The following TENM3 variants were observed in gnomAD, a reference collection of about 807,000 sequenced individuals.
The protein encoded by TENM3 is teneurin-3.
A neutral mutation model predicts 255.1 loss-of-function variants in TENM3; 63 were observed. That is an observed-to-expected ratio of 0.25 (90% CI 0.20 to 0.30). TENM3 has a LOEUF of 0.30. Among genes scored for constraint, TENM3 ranks in the 10% least tolerant of loss-of-function variants. The probability of loss-of-function intolerance (pLI) is 1.00; values close to 1 mark genes in which losing one functional copy is unlikely to be tolerated. For missense variants in TENM3, 2,929 were observed against 3,461.1 expected (o/e 0.85, Z 3.86); for synonymous variants, 1,306 against 1,322.3 (o/e 0.99, Z 0.27).
At chr4:181,785,364 A>G in the TENM3 span, among the ~76,000 whole-genome samples, 34 of 152,156 alleles carry the variant, frequency 2.2e-4, no homozygotes, top group Non-Finnish European at 4.7e-4. Flanking sequence ...CCAGAAAGCC[A>G]CAGCTACTTT....
chr4:181,801,802 T>A, the TENM3 span, among the ~76,000 whole-genome samples: 2 of 151,622 alleles, frequency 1.3e-5, no homozygotes, highest in Non-Finnish European at 2.9e-5. Context: ...AGGTTTGTCA[T>A]TTTCACTTCC....
chr4:182,487,508 A>G (rs1734873793), intron 3 of TENM3, among the ~76,000 whole-genome samples: 1 of 152,048 alleles, frequency 6.6e-6, no homozygotes, highest in African/African-American at 2.4e-5. Context: ...TGGTTTCATT[A>G]TTTGGAACCT....
At chr4:182,405,217 G>A (rs904538168) in intron 3 of TENM3, among the ~76,000 whole-genome samples, 1 of 152,140 alleles carries the variant, frequency 6.6e-6, no homozygotes, top group Non-Finnish European at 1.5e-5. Context: ...GCTCCCAGCC[G>A]CCGTCCTGGA....
chr4:182,058,164 TG>T, the TENM3 span, among the ~76,000 whole-genome samples: 56 of 109,618 alleles, frequency 5.1e-4, no homozygotes, highest in African/African-American at 1.4e-3. Flanking sequence ...ATATTTGGGG[TG>T]GGGGGGGGCA....
At chr4:181,715,702 T>C in the TENM3 span, among the ~76,000 whole-genome samples, 1 of 152,210 alleles carries the variant, frequency 6.6e-6, no homozygotes, top group Non-Finnish European at 1.5e-5. Context: ...TTCCACTAAA[T>C]GTCAGGACCT....
At chr4:182,750,074 A>G (rs1362197723) in intron 19 of TENM3, among the ~76,000 whole-genome samples, 1 of 152,242 alleles carries the variant, frequency 6.6e-6, no homozygotes, top group Admixed American at 6.5e-5. Flanking sequence ...ACATTAAGGG[A>G]TGCAATATGT....
At chr4:182,519,504 G>A (rs1282035630) in intron 3 of TENM3, among the ~76,000 whole-genome samples, 1 of 152,082 alleles carries the variant, frequency 6.6e-6, no homozygotes, top group Admixed American at 6.6e-5. Flanking sequence ...CAGTATCTCA[G>A]GAAACATTTG....
the TENM3 span, among the ~76,000 whole-genome samples, chr4:181,839,384 T>TATATATATATATACAC: frequency 1.8e-4 from 15 of 83,496 alleles, 1 homozygote; most frequent in South Asian, 4.0e-4. Flanking sequence ...TATATATATA[T>TATATATATATATACAC]ACACCTATAT....
chr4:182,001,101 A>G, the TENM3 span, among the ~76,000 whole-genome samples: 1 of 150,682 alleles, frequency 6.6e-6, no homozygotes, highest in Non-Finnish European at 1.5e-5. Context: ...ACCACCCACC[A>G]AGGTATTTGT....
At chr4:181,779,101 C>T in the TENM3 span, among the ~76,000 whole-genome samples, 1 of 151,882 alleles carries the variant, frequency 6.6e-6, no homozygotes, top group Non-Finnish European at 1.5e-5. Context: ...TGTTTATGTA[C>T]CTGGTGATGG....
chr4:182,632,668 C>T (rs13110650), intron 5 of TENM3, among the ~76,000 whole-genome samples: 75,824 of 151,720 alleles, frequency 0.5, 19,662 homozygotes, highest in Non-Finnish European at 0.56. Context: ...TTATGTACTT[C>T]TCCAATTTAT....
intron 5 of TENM3, among the ~76,000 whole-genome samples, chr4:182,651,569 C>T (rs1263653000): frequency 3.3e-5 from 5 of 151,956 alleles, no homozygotes; most frequent in Admixed American, 6.6e-5. Flanking sequence ...TGGCGGCGTG[C>T]GCCTGTAGTC....
At chr4:182,475,472 T>C (rs768896212) in intron 3 of TENM3, among the ~76,000 whole-genome samples, 1 of 152,144 alleles carries the variant, frequency 6.6e-6, no homozygotes, top group Non-Finnish European at 1.5e-5. Flanking sequence ...TTGATGGAAG[T>C]TGTAGTGAAC....
chr4:181,737,602 C>A, the TENM3 span, among the ~76,000 whole-genome samples: 22,369 of 152,002 alleles, frequency 0.15, 1,971 homozygotes, highest in African/African-American at 0.25. Context: ...TTAAAAATAA[C>A]TGCATTCAGT....
the TENM3 span, among the ~76,000 whole-genome samples, chr4:181,950,555 G>C: frequency 0.043 from 6,520 of 152,182 alleles, 269 homozygotes; most frequent in East Asian, 0.21. Flanking sequence ...CTCCATGAAG[G>C]CACTTGGTCT....
chr4:181,588,691 A>G, the TENM3 span, among the ~76,000 whole-genome samples: 2 of 152,318 alleles, frequency 1.3e-5, no homozygotes, highest in African/African-American at 2.4e-5. Flanking sequence ...GAAGAGAGGG[A>G]GTAAAAGAAA....
At chr4:182,017,139 C>G in the TENM3 span, among the ~76,000 whole-genome samples, 1 of 152,224 alleles carries the variant, frequency 6.6e-6, no homozygotes, top group African/African-American at 2.4e-5. Flanking sequence ...AATTTCCCTG[C>G]TAGCTGGTCC....
intron 2 of TENM3, among the ~76,000 whole-genome samples, chr4:182,345,771 T>C (rs909879380): frequency 6.6e-6 from 1 of 152,200 alleles, no homozygotes; most frequent in Non-Finnish European, 1.5e-5. Flanking sequence ...GTTATTGCAG[T>C]GTCATGAGTT....
chr4:182,293,775 T>G (rs1761280164), intron 1 of TENM3, among the ~76,000 whole-genome samples: 1 of 152,026 alleles, frequency 6.6e-6, no homozygotes, highest in African/African-American at 2.4e-5. Context: ...CCTTCCAAAT[T>G]TTTTCTCCCT....
Sources: gnomAD v4.1 joint callset for allele counts (sites outside exome capture counted in the v4.1 genomes callset) on GRCh38, gnomAD v4.1.1 for gene constraint, MANE v1.5 for transcripts, NCBI Gene and HGNC (gene_info 2026-07-23, HGNC 2026-07-21) for gene names.